The following MIX23 variants were observed in gnomAD, a reference collection of about 807,000 sequenced individuals.
MIX23 encodes the protein protein MIX23.
Under a neutral mutation model 21.6 loss-of-function variants are expected in MIX23, and 13 were observed. The ratio of observed to expected loss-of-function variants is 0.60; its 90% confidence interval spans 0.39 to 0.96. The LOEUF is 0.96. Ranked by LOEUF, MIX23 falls within the 40% of genes least tolerant of loss-of-function variation. The pLI is 0.00. For synonymous variants in MIX23, 59 were observed against 58.0 expected (o/e 1.02, Z -0.08); for missense variants, 144 against 171.2 (o/e 0.84, Z 0.89).
At chr3:122,367,832 C>T (rs2075408300) in intron 3 of MIX23, 1 of 284,500 alleles carries the variant, frequency 3.5e-6, no homozygotes. Context: ...AAGGCAGATA[C>T]TGTACAGATG....
intron 1 of MIX23, 57 bp from the exon 2 acceptor site, chr3:122,371,857 T>A (rs2075444510): frequency 7.2e-7 from 1 of 1,398,598 alleles, no homozygotes; most frequent in Non-Finnish European, 9.9e-7. Context: ...TGACAAAAAA[T>A]AAGCATTTAA....
In MIX23 at chr3:122,371,775, A is replaced by G. The variant is rs772615063; in HGVS notation, c.77T>C (p.Ile26Thr). Residue 26 changes from isoleucine to threonine, a missense_variant, in exon 2 of 5, where the codon ATT becomes ACT. Coordinates refer to ENST00000291458, the MANE Select transcript of MIX23 (RefSeq NM_001017928.4). ...TAATTCATGTACTATTCTGTCATCAATTGTCCTCATCACCTTGAGTAATTC... is the reference window on the plus strand; with the variant it reads ...TAATTCATGTACTATTCTGTCATCAGTTGTCCTCATCACCTTGAGTAATTC... The part of the protein sequence containing the change: ...FQELLKVMRT[I>T]DDRIVHELNT... 6.2e-7 allele frequency: 1 copy of G among 1,605,452 alleles called. No homozygotes were observed. Among genetic ancestry groups the G allele is most frequent in the East Asian group, 2.2e-5 (1 of 44,818 alleles).
At chr3:122,373,856 T>G (rs1375893084) in intron 1 of MIX23, among the ~76,000 whole-genome samples, 1 of 152,120 alleles carries the variant, frequency 6.6e-6, no homozygotes, top group Non-Finnish European at 1.5e-5. Flanking sequence ...TAAAACCAAG[T>G]TCATTATCTT....
intron 1 of MIX23, among the ~76,000 whole-genome samples, chr3:122,382,171 T>C (rs2075538068): frequency 6.6e-6 from 1 of 152,238 alleles, no homozygotes; most frequent in South Asian, 2.1e-4. Context: ...ATCTAATTTT[T>C]ATAATGAAAA....
At position 122,361,150 on chromosome 3, in the gene MIX23, ACC is replaced by A. The variant is rs376216397; in HGVS notation, c.385-1233_385-1232del. 8.5e-5 allele frequency among the ~76,000 whole-genome samples: 13 copies of A among 152,232 alleles called. No individual in the cohort carries two copies. In the South Asian group the frequency reaches 2.3e-3, roughly 27 times the overall value. Reference sequence around the variant, plus strand: ...GTGAGCCAGTAAAGTGCTGCGCCTGACCTATTATTCAATTTCTTAAGCTGAGT... The same window carrying A: ...GTGAGCCAGTAAAGTGCTGCGCCTGATATTATTCAATTTCTTAAGCTGAGT... On this transcript the variant is annotated intron_variant, in intron 4 of 4. Coordinates refer to ENST00000291458, the MANE Select transcript of MIX23 (RefSeq NM_001017928.4).
intron 1 of MIX23, among the ~76,000 whole-genome samples, chr3:122,378,597 C>T (rs1327593771): frequency 6.6e-6 from 1 of 152,198 alleles, no homozygotes; most frequent in Non-Finnish European, 1.5e-5. Context: ...CAGCAGGTTA[C>T]TGTACTGAAT....
chr3:122,368,198 T>A lies in MIX23; in HGVS notation c.302A>T (p.Gln101Leu). ...KNLDDLTLLK[Q>L]LRKEQTKLKW... The stretch of plus-strand genomic sequence containing the variant: ...TACCTTTGTCTGCTCTTTTCTAAGT[T>A]GTTTTAATAACGTTAAATCGTCCAA... The change falls in exon 3 of 5, where the codon CAA (glutamine) becomes CTA (leucine). Residue 101 changes from glutamine (Q) to leucine (L), a missense_variant. Physicochemically the swap from Gln to Leu is moderately radical, Grantham distance 113. Transcript: ENST00000291458. 4.3e-6 allele frequency: 7 copies of A among 1,610,554 alleles called. No individual in the cohort carries two copies. The highest frequency in any genetic ancestry group is 5.1e-6 in the Non-Finnish European group (6 of 1,179,684).
intron 1 of MIX23, among the ~76,000 whole-genome samples, chr3:122,374,566 T>C (rs1458390637): frequency 1.3e-5 from 2 of 152,218 alleles, no homozygotes; most frequent in Admixed American, 1.3e-4. Context: ...AAGAAAAATG[T>C]CTGTACATGT....
Position 122,371,666 on chromosome 3 carries a change from T to A in MIX23, c.177+9A>T, listed in dbSNP as rs370016700. Reference sequence around the variant, plus strand: ...TGAAAGAAGCAAAAGACTCAAAAAATACACTTACAGACTCATAAAGTTGTT... The same window carrying A: ...TGAAAGAAGCAAAAGACTCAAAAAAAACACTTACAGACTCATAAAGTTGTT... On this transcript the variant is annotated intron_variant, in intron 2 of 4. Transcript: ENST00000291458. The A allele has an allele frequency of 2.1e-5, 34 of 1,611,160 alleles. No individual in the cohort carries two copies. The highest frequency in any genetic ancestry group is 1.7e-4 in the African/African-American group (13 of 74,808).
chr3:122,374,955 T>C (rs1342421656), intron 1 of MIX23, among the ~76,000 whole-genome samples: 1 of 152,148 alleles, frequency 6.6e-6, no homozygotes, highest in African/African-American at 2.4e-5. Context: ...CTAAATGACA[T>C]GATTGAACCA....
intron 1 of MIX23, among the ~76,000 whole-genome samples, chr3:122,379,531 T>C (rs1408748216): frequency 2.0e-5 from 3 of 152,198 alleles, no homozygotes; most frequent in African/African-American, 7.2e-5. Context: ...AATGCTGCCA[T>C]TGAATTATGT....
chr3:122,380,879 T>C (rs894241485), intron 1 of MIX23, among the ~76,000 whole-genome samples: 7 of 152,178 alleles, frequency 4.6e-5, no homozygotes, highest in Admixed American at 1.3e-4. Context: ...ACAAAGCCAC[T>C]GGCAGTAGTG....
intron 3 of MIX23, among the ~76,000 whole-genome samples, chr3:122,364,668 C>G (rs2075383409): frequency 6.6e-6 from 1 of 152,142 alleles, no homozygotes; most frequent in African/African-American, 2.4e-5. Context: ...TCCCCTGTCA[C>G]AACACCCTGC....
intron 1 of MIX23, among the ~76,000 whole-genome samples, chr3:122,373,512 G>A (rs1307218008): frequency 7.9e-5 from 12 of 152,118 alleles, no homozygotes; most frequent in Non-Finnish European, 1.3e-4. Context: ...GGACTCAAGC[G>A]ATCCACCGGC....
chr3:122,376,926 T>G (rs2075491971), intron 1 of MIX23, among the ~76,000 whole-genome samples: 1 of 152,052 alleles, frequency 6.6e-6, no homozygotes, highest in South Asian at 2.1e-4. Context: ...GGCTCACACC[T>G]GTAATCCCAG....
intron 1 of MIX23, among the ~76,000 whole-genome samples, chr3:122,379,775 A>G (rs998279476): frequency 6.6e-6 from 1 of 152,236 alleles, no homozygotes. Context: ...TAAACATTAA[A>G]TCACAGCCAA....
intron 1 of MIX23, among the ~76,000 whole-genome samples, chr3:122,375,246 G>GA (rs2075475101): frequency 6.6e-6 from 1 of 152,220 alleles, no homozygotes; most frequent in Admixed American, 6.5e-5. Context: ...GGTGGTCAGG[G>GA]ACGAGAAAAT....
At chr3:122,375,075 G>C (rs1195207864) in intron 1 of MIX23, among the ~76,000 whole-genome samples, 2 of 152,054 alleles carry the variant, frequency 1.3e-5, no homozygotes, top group Non-Finnish European at 2.9e-5. Flanking sequence ...TTGAGGCACT[G>C]GTGAGCCATG....
At chr3:122,381,759 A>G (rs1410183773) in intron 1 of MIX23, among the ~76,000 whole-genome samples, 2 of 151,620 alleles carry the variant, frequency 1.3e-5, no homozygotes, top group Non-Finnish European at 2.9e-5. Context: ...GAGGAGGAAG[A>G]GATAGCAGAG....
Sources: gnomAD v4.1 joint callset for allele counts (sites outside exome capture counted in the v4.1 genomes callset) on GRCh38, gnomAD v4.1.1 for gene constraint, MANE v1.5 for transcripts, NCBI Gene and HGNC (gene_info 2026-07-23, HGNC 2026-07-21) for gene names.